NPAT: variants seen among roughly 807,000 people sequenced by gnomAD.
NPAT encodes the protein nuclear protein, coactivator of histone transcription.
In NPAT, 52 loss-of-function variants were observed where a neutral mutation model predicts 130.7. The ratio of observed to expected loss-of-function variants is 0.40; its 90% confidence interval spans 0.32 to 0.50. The LOEUF is 0.50. Ranked by LOEUF, NPAT falls within the 20% of genes least tolerant of loss-of-function variation. The pLI, the probability that NPAT is intolerant of heterozygous loss-of-function variation, is 0.68. For synonymous variants in NPAT, 580 were observed against 584.8 expected, an observed-to-expected ratio of 0.99 and a Z score of 0.12; for missense variants, 1,687 against 1,662.6, an observed-to-expected ratio of 1.01 and a Z score of -0.26.
chr11:108,159,720 A>G (rs983322822), intron 17 of NPAT, among the ~76,000 whole-genome samples: 1 of 152,182 alleles, frequency 6.6e-6, no homozygotes, highest in Non-Finnish European at 1.5e-5. Flanking sequence ...GCTTAAATAA[A>G]AAACATAAGG....
chr11:108,192,402 A>G (rs1438797622), intron 3 of NPAT, among the ~76,000 whole-genome samples: 1 of 152,268 alleles, frequency 6.6e-6, no homozygotes, highest in Non-Finnish European at 1.5e-5. Context: ...ATATGAGTAG[A>G]AATGGACATC....
intron 11 of NPAT, among the ~76,000 whole-genome samples, chr11:108,176,680 A>AT (rs112538608): frequency 0.11 from 16,273 of 152,100 alleles, 1,204 homozygotes; most frequent in Non-Finnish European, 0.14. Flanking sequence ...ACAATGGCCA[A>AT]TTTTTTGTAT....
chr11:108,188,042 CTT>C (rs371572857), intron 7 of NPAT, 54 bp downstream of exon 7: 11,681 of 1,016,042 alleles, frequency 0.011, no homozygotes, highest in Non-Finnish European at 0.013. Flanking sequence ...TGATGTAATT[CTT>C]TTTTTTTTTT....
chr11:108,178,001 A>C (rs926346736), intron 10 of NPAT, among the ~76,000 whole-genome samples: 3 of 152,186 alleles, frequency 2.0e-5, no homozygotes, highest in African/African-American at 7.2e-5. Flanking sequence ...GACTACAGGC[A>C]TGAGTTACTG....
chr11:108,218,155 C>T (rs1350266383), intron 1 of NPAT, among the ~76,000 whole-genome samples: 2 of 152,008 alleles, frequency 1.3e-5, no homozygotes, highest in Non-Finnish European at 2.9e-5. Flanking sequence ...TTTGTGTAAA[C>T]TTACTGACAA....
intron 10 of NPAT, among the ~76,000 whole-genome samples, chr11:108,182,688 C>A (rs999743332): frequency 6.6e-6 from 1 of 152,196 alleles, no homozygotes; most frequent in African/African-American, 2.4e-5. Flanking sequence ...TGGGGTTTCG[C>A]CATGTGGGCA....
chr11:108,180,314 G>A (rs995052352), intron 10 of NPAT, among the ~76,000 whole-genome samples: 6 of 152,152 alleles, frequency 3.9e-5, no homozygotes, highest in African/African-American at 1.2e-4. Context: ...GGCATGCAGC[G>A]AGACCCTGTC....
intron 1 of NPAT, among the ~76,000 whole-genome samples, chr11:108,204,496 T>A (rs1348545578): frequency 6.6e-6 from 1 of 152,220 alleles, no homozygotes; most frequent in Non-Finnish European, 1.5e-5. Flanking sequence ...TTGCTCAGTC[T>A]CTCATGTCCA....
At chr11:108,196,096 T>C (rs185770825) in intron 2 of NPAT, among the ~76,000 whole-genome samples, 38 of 152,376 alleles carry the variant, frequency 2.5e-4, no homozygotes, top group African/African-American at 7.7e-4. Flanking sequence ...TTAGAAGTCT[T>C]ACGGTCCTGT....
At chr11:108,210,151 G>T (rs948293452) in intron 1 of NPAT, among the ~76,000 whole-genome samples, 1 of 150,436 alleles carries the variant, frequency 6.6e-6, no homozygotes, top group African/African-American at 2.5e-5. Flanking sequence ...CAATATTATA[G>T]AAATAAATGG....
intron 4 of NPAT, 39 bp downstream of exon 4, chr11:108,192,079 C>T (rs993469699): frequency 3.0e-6 from 4 of 1,324,554 alleles, no homozygotes; most frequent in Non-Finnish European, 4.4e-6. Flanking sequence ...AGTGTATTTG[C>T]ATTCCAAAAT....
intron 1 of NPAT, among the ~76,000 whole-genome samples, chr11:108,203,576 A>G (rs2078295732): frequency 1.3e-5 from 2 of 152,224 alleles, no homozygotes; most frequent in Admixed American, 1.3e-4. Context: ...GCTAAATGAC[A>G]AAAGGTTAAG....
chr11:108,171,486 GTTTTTTT>G (rs372887453), intron 13 of NPAT: 1 of 132,324 alleles, frequency 7.6e-6, no homozygotes, highest in African/African-American at 2.8e-5. Flanking sequence ...AGAAATTCAA[GTTTTTTT>G]TTTTTTTTGA....
chr11:108,202,133 A>G (rs576059472), intron 1 of NPAT, among the ~76,000 whole-genome samples: 1 of 152,320 alleles, frequency 6.6e-6, no homozygotes, highest in African/African-American at 2.4e-5. Flanking sequence ...GATTCTAAGT[A>G]TACTTTCCTA....
At chr11:108,183,254 TG>T (rs572556593) in intron 10 of NPAT, among the ~76,000 whole-genome samples, 98 of 152,180 alleles carry the variant, frequency 6.4e-4, no homozygotes, top group African/African-American at 2.3e-3. Context: ...CTCAAAGTGC[TG>T]GGATTAAAGG....
At chr11:108,169,049 G>C (rs2077926131) in intron 15 of NPAT, among the ~76,000 whole-genome samples, 1 of 152,136 alleles carries the variant, frequency 6.6e-6, no homozygotes, top group Non-Finnish European at 1.5e-5. Flanking sequence ...GCAGATATGA[G>C]GTGAACTGAA....
chr11:108,188,076 G>C (rs748899533), intron 7 of NPAT, 22 bp downstream of exon 7: 1 of 1,460,338 alleles, frequency 6.8e-7, no homozygotes, highest in Non-Finnish European at 9.6e-7. Context: ...CGGGTAACTT[G>C]TCTCTTTTAA....
chr11:108,198,752 C>T (rs1217193508), intron 1 of NPAT, among the ~76,000 whole-genome samples: 2 of 152,216 alleles, frequency 1.3e-5, no homozygotes, highest in East Asian at 3.8e-4. Flanking sequence ...CACATGGGGA[C>T]TACCTGCCTT....
intron 3 of NPAT, among the ~76,000 whole-genome samples, chr11:108,193,473 C>G (rs1328366764): frequency 1.3e-5 from 2 of 152,170 alleles, no homozygotes; most frequent in Non-Finnish European, 2.9e-5. Context: ...CACCTGTAAT[C>G]CCAGCACTTT....
Sources: gnomAD v4.1 joint callset for allele counts (sites outside exome capture counted in the v4.1 genomes callset) on GRCh38, gnomAD v4.1.1 for gene constraint, MANE v1.5 for transcripts, NCBI Gene and HGNC (gene_info 2026-07-23, HGNC 2026-07-21) for gene names.